The following EFHB variants were observed in gnomAD, a reference collection of about 807,000 sequenced individuals.
The protein encoded by EFHB is EF-hand domain-containing family member B.
EFHB carries 91 observed loss-of-function variants against 87.2 expected under a neutral mutation model. The observed-to-expected ratio is 1.04, with a 90% confidence interval of 0.88 to 1.24. EFHB has a LOEUF of 1.24. Among genes scored for constraint, EFHB ranks in the 50% most tolerant of loss-of-function variants. The pLI, the probability that EFHB is intolerant of heterozygous loss-of-function variation, is 0.00. For missense variants in EFHB, 1,084 were observed against 998.8 expected (o/e 1.09, Z -1.15); for synonymous variants, 325 against 333.6 (o/e 0.97, Z 0.28).
rs1695929486 is a variant in EFHB at position 19,933,915 on chromosome 3, C to T, written c.104G>A (p.Gly35Glu). 2 of 1,613,874 alleles carry T rather than the reference C, an allele frequency of 1.2e-6. No individual in the cohort carries two copies. Among genetic ancestry groups the T allele is most frequent in the Non-Finnish European group, 1.7e-6 (2 of 1,179,894 alleles). Residue 35 changes from glycine (G) to glutamate (E), a missense_variant, in exon 1 of 13, where the codon GGA (glycine) becomes GAA (glutamate). By Grantham distance (98) the Gly-to-Glu change is moderately conservative. Transcript: ENST00000295824. Reference sequence around the variant, plus strand: ...GCATCGGGAATCTTCTTTTCCTAATCCTACTCTGATCCCCAACTCCATGGG... The same window carrying T: ...GCATCGGGAATCTTCTTTTCCTAATTCTACTCTGATCCCCAACTCCATGGG... ...KFPMELGIRV[G>E]LGKEDSRCGE...
upstream of EFHB, among the ~76,000 whole-genome samples, chr3:19,936,768 T>C (rs1696031892): frequency 6.6e-6 from 1 of 151,802 alleles, no homozygotes; most frequent in South Asian, 2.1e-4. Flanking sequence ...CTAGGGAGGC[T>C]GAGGAAGGAG....
intron 1 of EFHB, among the ~76,000 whole-genome samples, chr3:19,929,891 G>A (rs1695771507): frequency 6.6e-6 from 1 of 152,056 alleles, no homozygotes; most frequent in East Asian, 1.9e-4. Flanking sequence ...AAAAAGTATA[G>A]AGTAACTAAC....
At chr3:19,894,989 A>ATATATATATATATATATATATAT (rs1553629699) in intron 9 of EFHB, 3 of 144,522 alleles carry the variant, frequency 2.1e-5, no homozygotes, top group African/African-American at 7.9e-5. Context: ...TGTCTCAAAA[A>ATATATATATATATATATATATAT]ATATATATAT....
chr3:19,907,340 T>TA (rs200498094), intron 5 of EFHB, among the ~76,000 whole-genome samples: 1 of 152,210 alleles, frequency 6.6e-6, no homozygotes, highest in African/African-American at 2.4e-5. Context: ...GCTCAATTCT[T>TA]AAAATGGGTG....
At chr3:19,928,536 C>A (rs1481962375) in intron 1 of EFHB, among the ~76,000 whole-genome samples, 1 of 152,164 alleles carries the variant, frequency 6.6e-6, no homozygotes, top group Non-Finnish European at 1.5e-5. Context: ...CCTCCGCCAC[C>A]CAGGCTCAAG....
chr3:19,892,504 T>C (rs1694336591), intron 9 of EFHB, among the ~76,000 whole-genome samples: 1 of 152,228 alleles, frequency 6.6e-6, no homozygotes, highest in Non-Finnish European at 1.5e-5. Flanking sequence ...TTCCTGGACA[T>C]GGTGCAACAG....
At chr3:19,936,264 C>T (rs761761488), upstream of EFHB, 8 of 715,212 alleles carry the variant, frequency 1.1e-5, no homozygotes, top group South Asian at 1.0e-4. Flanking sequence ...GTGGGAGGAT[C>T]ACTTGAGCCC....
upstream of EFHB, among the ~76,000 whole-genome samples, chr3:19,936,942 T>C (rs1336808258): frequency 2.0e-5 from 3 of 151,058 alleles, no homozygotes; most frequent in Non-Finnish European, 4.4e-5. Context: ...CTAGGGAGGC[T>C]GAGGCAGGAG....
chr3:19,908,600 GAAAGAAAGAAAGAAAGAAAGAA>G (rs1316625255), intron 5 of EFHB, among the ~76,000 whole-genome samples: 1 of 97,274 alleles, frequency 1.0e-5, no homozygotes, highest in African/African-American at 4.3e-5. Context: ...GAGAGAGAGA[GAAAGAAAGAAAGAAAGAAAGAA>G]AGAAAGAAAG....
At chr3:19,914,953 G>A (rs912556289) in intron 5 of EFHB, among the ~76,000 whole-genome samples, 4 of 151,920 alleles carry the variant, frequency 2.6e-5, no homozygotes, top group African/African-American at 7.3e-5. Context: ...TTAGCCAGGC[G>A]TGGTGGTGCA....
chr3:19,928,707 A>T (rs1695719069), intron 1 of EFHB, among the ~76,000 whole-genome samples: 1 of 152,204 alleles, frequency 6.6e-6, no homozygotes, highest in Non-Finnish European at 1.5e-5. Flanking sequence ...GGCCTCCCAA[A>T]GCACTGGGAT....
chr3:19,889,206 T>C (rs1694216301), intron 9 of EFHB, among the ~76,000 whole-genome samples: 1 of 152,156 alleles, frequency 6.6e-6, no homozygotes, highest in African/African-American at 2.4e-5. Flanking sequence ...ACACTGAGTA[T>C]GAACAGAGGG....
intron 9 of EFHB, among the ~76,000 whole-genome samples, chr3:19,894,260 C>T (rs553954611): frequency 6.6e-6 from 1 of 152,282 alleles, no homozygotes; most frequent in Admixed American, 6.5e-5. Context: ...ATACTCTCAT[C>T]ATGGTAATTT....
rs563068601 is a variant in EFHB at position 19,883,977 on chromosome 3, G to A, written c.2146+426C>T. Among the ~76,000 whole-genome samples the A allele has an allele frequency of 6.6e-5, 10 of 152,312 alleles. No individual in the cohort carries two copies. In the South Asian group the frequency reaches 2.1e-3, roughly 32 times the overall value. ...TTAAGACACCAGTTTGTGGTACTTT[G>A]ATACAGCAGCCCCAGCAAACTAACA... On this transcript the variant is annotated intron_variant, in intron 11 of 12. Coordinates refer to ENST00000295824, the MANE Select transcript of EFHB (RefSeq NM_144715.4).
Position 19,884,628 on chromosome 3 carries a change from T to A in EFHB, c.1934-13A>T, listed in dbSNP as rs1331321162. The A allele has an allele frequency of 8.7e-6, 14 of 1,605,402 alleles. No individual in the cohort carries two copies. The Admixed American group carries it at 1.6e-4, about 18-fold the overall frequency. On this transcript the variant is annotated splice_polypyrimidine_tract_variant and intron_variant, in intron 10 of 12. Coordinates refer to ENST00000295824, the MANE Select transcript of EFHB (RefSeq NM_144715.4). ...TCTGGTTTTCTACCTTTAAGGAAAA[T>A]AAATGAAAGAAAAAATGCAGGAATA...
chr3:19,908,907 G>A (rs111226965), intron 5 of EFHB, among the ~76,000 whole-genome samples: 3,314 of 152,078 alleles, frequency 0.022, 101 homozygotes, highest in African/African-American at 0.073. Context: ...TTTATTTAAT[G>A]ATTAATGATT....
At chr3:19,891,848 A>G (rs1694317750) in intron 9 of EFHB, among the ~76,000 whole-genome samples, 1 of 152,158 alleles carries the variant, frequency 6.6e-6, no homozygotes, top group Admixed American at 6.5e-5. Flanking sequence ...TTACACACAG[A>G]GCACAAGGTA....
intron 5 of EFHB, among the ~76,000 whole-genome samples, chr3:19,915,062 A>T (rs2125146367): frequency 6.6e-6 from 1 of 152,254 alleles, no homozygotes; most frequent in East Asian, 1.9e-4. Flanking sequence ...ACTGCACTCC[A>T]ACATGGGCAA....
Position 19,886,297 on chromosome 3 carries a change from AC to A in EFHB, c.1934-1683del, listed in dbSNP as rs1358769569. 7.9e-5 allele frequency among the ~76,000 whole-genome samples: 12 copies of A among 152,348 alleles called. No individual in the cohort carries two copies. The South Asian group carries it at 2.5e-3, about 32-fold the overall frequency. Reference sequence around the variant, plus strand: ...ATAAGGGCTCGCATCATCAAGAGAGACCAAAATTTGGTTTTGACTTCACAGA... The same window carrying A: ...ATAAGGGCTCGCATCATCAAGAGAGACAAAATTTGGTTTTGACTTCACAGA... On this transcript the variant is annotated intron_variant, in intron 10 of 12. Transcript: ENST00000295824.
Sources: allele counts gnomAD v4.1 joint callset (sites outside exome capture counted in the v4.1 genomes callset), GRCh38; gene constraint gnomAD v4.1.1; transcripts MANE v1.5; gene names NCBI Gene and HGNC (gene_info 2026-07-23, HGNC 2026-07-21).